Variants in ITK observed in about 807,000 individuals in gnomAD.
ITK encodes the protein IL2 inducible T cell kinase, also known as tyrosine-protein kinase ITK/TSK.
ITK carries 45 observed loss-of-function variants against 87.6 expected under a neutral mutation model. That is an observed-to-expected ratio of 0.51 (90% CI 0.40 to 0.66). ITK has a LOEUF of 0.66. Among genes scored for constraint, ITK ranks in the 30% least tolerant of loss-of-function variants. The pLI is 0.00. For missense variants in ITK, 605 were observed against 766.3 expected (o/e 0.79, Z 2.48); for synonymous variants, 303 against 273.6 (o/e 1.11, Z -1.06).
At chr5:157,214,116 G>A (rs1162406898) in intron 3 of ITK, 75 bp from the exon 4 acceptor site, 15 of 1,175,794 alleles carry the variant, frequency 1.3e-5, no homozygotes, top group East Asian at 2.3e-5. Context: ...GTCTAATCTC[G>A]AGGTGTTATA....
At chr5:157,188,912 A>G (rs1753697248) in intron 1 of ITK, among the ~76,000 whole-genome samples, 2 of 152,160 alleles carry the variant, frequency 1.3e-5, no homozygotes, top group Non-Finnish European at 2.9e-5. Context: ...GTTCCATGAG[A>G]GCAGAGATCT....
At chr5:157,183,782 T>C (rs1250845018) in intron 1 of ITK, among the ~76,000 whole-genome samples, 1 of 152,174 alleles carries the variant, frequency 6.6e-6, no homozygotes, top group African/African-American at 2.4e-5. Flanking sequence ...TTTTCTCTTT[T>C]CTCATGTGTA....
chr5:157,197,714 G>A (rs1753880131), intron 1 of ITK, among the ~76,000 whole-genome samples: 1 of 152,086 alleles, frequency 6.6e-6, no homozygotes, highest in African/African-American at 2.4e-5. Flanking sequence ...TTTATTATCT[G>A]TTAATGGTTA....
intron 13 of ITK, 85 bp from the exon 14 acceptor site, chr5:157,245,641 G>T: frequency 9.5e-7 from 1 of 1,055,008 alleles, no homozygotes; most frequent in Admixed American, 1.7e-5. Flanking sequence ...TAAAGCAAAG[G>T]ACTGTGATTA....
intron 1 of ITK, among the ~76,000 whole-genome samples, chr5:157,184,705 A>C (rs756383353): frequency 1.3e-5 from 2 of 152,170 alleles, no homozygotes; most frequent in Non-Finnish European, 2.9e-5. Context: ...TACCTACTTC[A>C]AGTGATGTTG....
At chr5:157,248,023 G>A (rs1487662269) in intron 15 of ITK, among the ~76,000 whole-genome samples, 1 of 152,220 alleles carries the variant, frequency 6.6e-6, no homozygotes, top group Non-Finnish European at 1.5e-5. Flanking sequence ...GCACCTCTGA[G>A]TAACATCTAG....
intron 15 of ITK, among the ~76,000 whole-genome samples, chr5:157,247,134 A>AG (rs1755035670): frequency 6.6e-6 from 1 of 152,206 alleles, no homozygotes; most frequent in Admixed American, 6.5e-5. Flanking sequence ...AGTAGAAACC[A>AG]GGGGGGAGTT....
At chr5:157,192,669 A>G (rs1052365522) in intron 1 of ITK, among the ~76,000 whole-genome samples, 7 of 152,262 alleles carry the variant, frequency 4.6e-5, no homozygotes, top group African/African-American at 1.7e-4. Flanking sequence ...CCATCCCCAC[A>G]TATAAAACAG....
At position 157,248,890 on chromosome 5, in the gene ITK, G is replaced by T. The variant is rs199593468; in HGVS notation, c.1674G>T (p.Pro558=). The T allele has an allele frequency of 6.2e-7, 1 of 1,613,820 alleles. No homozygotes were observed. The highest frequency in any genetic ancestry group is 8.5e-7 in the Non-Finnish European group (1 of 1,179,862). ...MWEVFSEGKI[P]YENRSNSEVV... ...AAGTTTTCAGTGAAGGCAAAATCCCGTATGAAAACCGAAGCAACTCAGAGG... is the reference window on the plus strand; with the variant it reads ...AAGTTTTCAGTGAAGGCAAAATCCCTTATGAAAACCGAAGCAACTCAGAGG... The change falls in exon 16 of 17, where the codon CCG becomes CCT. Residue 558 remains proline (P), a synonymous_variant. Transcript: ENST00000422843.
chr5:157,189,496 A>T (rs1753709749), intron 1 of ITK, among the ~76,000 whole-genome samples: 1 of 152,238 alleles, frequency 6.6e-6, no homozygotes, highest in African/African-American at 2.4e-5. Flanking sequence ...CCTAGCCAAC[A>T]TGGCGAAACC....
In ITK at chr5:157,252,824, A is replaced by C. The variant is rs926529217; in HGVS notation, c.*146A>C. 2.8e-6 allele frequency: 2 copies of C among 710,218 alleles called. No homozygotes were observed. Among genetic ancestry groups the C allele is most frequent in the Non-Finnish European group, 5.1e-6 (2 of 390,114 alleles). The allele number at this position is 710,218 out of a possible 1,614,324, so 44.0% of individuals were successfully genotyped here. Reference sequence around the variant, plus strand: ...GGCATCAGTCCCTGAGTCACCATGGAAGCAGCATCCTGACCACAGCTGGCA... The same window carrying C: ...GGCATCAGTCCCTGAGTCACCATGGCAGCAGCATCCTGACCACAGCTGGCA... On this transcript the variant is annotated 3_prime_UTR_variant, in exon 17 of 17. Transcript: ENST00000422843.
intron 1 of ITK, among the ~76,000 whole-genome samples, chr5:157,184,067 G>A (rs1753594652): frequency 1.3e-5 from 2 of 152,174 alleles, no homozygotes; most frequent in Admixed American, 1.3e-4. Flanking sequence ...CTGGAGCAGT[G>A]GGCCAGAAAG....
chr5:157,188,740 G>C (rs1167792292), intron 1 of ITK, among the ~76,000 whole-genome samples: 17 of 152,200 alleles, frequency 1.1e-4, no homozygotes, highest in Admixed American at 1.1e-3. Flanking sequence ...CTCTCGACTA[G>C]CTGGGACTAC....
chr5:157,203,208 C>G (rs1754010845), intron 1 of ITK, among the ~76,000 whole-genome samples: 1 of 152,232 alleles, frequency 6.6e-6, no homozygotes, highest in South Asian at 2.1e-4. Context: ...ACTACGGGCT[C>G]TGTGAGAGTC....
chr5:157,183,786 A>T (rs1054203628), intron 1 of ITK, among the ~76,000 whole-genome samples: 6 of 152,048 alleles, frequency 3.9e-5, no homozygotes, highest in Admixed American at 6.6e-5. Context: ...CTCTTTTCTC[A>T]TGTGTAAAAT....
rs760485497 is a variant in ITK at position 157,240,140 on chromosome 5, G to T, written c.930G>T (p.Lys310Asn). 3 of 1,613,978 alleles carry T rather than the reference G, an allele frequency of 1.9e-6. No homozygotes were observed. Among genetic ancestry groups the T allele is most frequent in the Non-Finnish European group, 2.5e-6 (3 of 1,179,844 alleles). ...DNPKRYYVAE[K>N]YVFDSIPLLI... ...CTAAGCGATACTATGTGGCTGAAAAGTATGTGTTCGATTCCATCCCTCTTC... is the reference window on the plus strand; with the variant it reads ...CTAAGCGATACTATGTGGCTGAAAATTATGTGTTCGATTCCATCCCTCTTC... The change falls in exon 10 of 17, where the codon AAG becomes AAT. Residue 310 changes from lysine (K) to asparagine (N), a missense_variant. This residue lies in a region of ITK where 464 missense variants were observed against 578.0 expected (regional missense o/e 0.80). Transcript: ENST00000422843.
intron 6 of ITK, among the ~76,000 whole-genome samples, chr5:157,227,275 A>G (rs73814046): frequency 0.015 from 2,334 of 152,338 alleles, 52 homozygotes; most frequent in African/African-American, 0.052. Flanking sequence ...ATTAAATGAG[A>G]TAATGAATGT....
chr5:157,242,552 T>G (rs1264529704), intron 11 of ITK, among the ~76,000 whole-genome samples: 4 of 152,198 alleles, frequency 2.6e-5, no homozygotes, highest in African/African-American at 9.6e-5. Flanking sequence ...CATGGCTCAC[T>G]GCTGCCTTGA....
intron 5 of ITK, among the ~76,000 whole-genome samples, chr5:157,222,109 T>C (rs917139334): frequency 6.6e-6 from 1 of 152,210 alleles, no homozygotes; most frequent in Non-Finnish European, 1.5e-5. Context: ...AGAGAACTTG[T>C]GACTTCCTAA....
Sources: allele counts gnomAD v4.1 joint callset (sites outside exome capture counted in the v4.1 genomes callset), GRCh38; gene constraint gnomAD v4.1.1; regional missense constraint gnomAD v4.1.1; transcripts MANE v1.5; gene names NCBI Gene and HGNC (gene_info 2026-07-23, HGNC 2026-07-21).